SRCIN1: variants seen among roughly 807,000 people sequenced by gnomAD.
The protein encoded by SRCIN1 is SRC kinase signaling inhibitor 1, also known as P130Cas-associated protein.
SRCIN1 carries 50 observed loss-of-function variants against 116.2 expected under a neutral mutation model. That is an observed-to-expected ratio of 0.43 (90% CI 0.34 to 0.54). The LOEUF (loss-of-function observed/expected upper bound fraction) is 0.54. Ranked by LOEUF, SRCIN1 falls within the 20% of genes least tolerant of loss-of-function variation. The probability of loss-of-function intolerance (pLI) is 0.02; values close to 1 mark genes in which losing one functional copy is unlikely to be tolerated. For missense variants in SRCIN1, 1,446 were observed against 1,672.0 expected (o/e 0.86, Z 2.36); for synonymous variants, 736 against 750.0 (o/e 0.98, Z 0.30).
intron 1 of SRCIN1, among the ~76,000 whole-genome samples, chr17:38,587,311 C>T (rs1908168716): frequency 6.6e-6 from 1 of 152,118 alleles, no homozygotes; most frequent in Admixed American, 6.5e-5. Context: ...TGAGTCCTTG[C>T]TTCCTTCTGC....
chr17:38,543,643 C>T (rs1197468133), intron 18 of SRCIN1, among the ~76,000 whole-genome samples, 180 bp downstream of exon 18: 2 of 144,382 alleles, frequency 1.4e-5, no homozygotes, highest in Admixed American at 6.9e-5. Flanking sequence ...GCTCCGGGAT[C>T]GGGAGGAGGA....
rs1017859194 is a variant in SRCIN1, at chr17:38,542,600, G to A, written c.3417+1223C>T. ...GTCTGGGGGCCATGAGGAGGCAGGT[G>A]GGAGCTGTGGAGAGGCTGCGGGGGG... is the stretch of plus-strand genomic sequence containing the variant. On this transcript the variant is annotated intron_variant, in intron 18 of 18. Transcript: ENST00000617146. 11 of 156,256 alleles carry A rather than the reference G, an allele frequency of 7.0e-5. 1 individual carries two copies. The South Asian group carries it at 1.2e-3, about 16-fold the overall frequency. 9.7% of individuals were successfully genotyped at this position (156,256 alleles called of 1,614,324 possible).
intron 18 of SRCIN1, chr17:38,542,576 T>C (rs1904817454): frequency 6.5e-6 from 1 of 154,956 alleles, no homozygotes; most frequent in Admixed American, 6.3e-5. Context: ...TCGCAGGGTG[T>C]CTGGGGGCCA....
At chr17:38,592,433 C>T (rs72823881) in intron 1 of SRCIN1, among the ~76,000 whole-genome samples, 19,148 of 152,236 alleles carry the variant, frequency 0.13, 1,312 homozygotes, top group Middle Eastern at 0.15. Flanking sequence ...CCCTGTTACC[C>T]GGGACAGGTA....
intron 11 of SRCIN1, among the ~76,000 whole-genome samples, chr17:38,557,900 T>C (rs994247230): frequency 6.6e-6 from 1 of 152,084 alleles, no homozygotes; most frequent in Non-Finnish European, 1.5e-5. Flanking sequence ...AAAATGAAAG[T>C]AGGCAGAGGG....
intron 18 of SRCIN1, among the ~76,000 whole-genome samples, chr17:38,536,120 C>T (rs564311746): frequency 2.0e-5 from 3 of 152,314 alleles, no homozygotes; most frequent in Non-Finnish European, 2.9e-5. Flanking sequence ...GGGGATGCCT[C>T]GTCCCCGTCC....
At chr17:38,578,404 C>A in intron 2 of SRCIN1, 86 bp downstream of exon 2, 1 of 1,440,804 alleles carries the variant, frequency 6.9e-7, no homozygotes. Flanking sequence ...TGGAATGAGC[C>A]TGGGGACACG....
rs750439874 is a variant in SRCIN1 at position 38,551,935 on chromosome 17, C to A, written c.2678G>T (p.Gly893Val). 1 of 1,614,070 alleles carries A rather than the reference C, an allele frequency of 6.2e-7. No homozygotes were observed. The highest frequency in any genetic ancestry group is 8.5e-7 in the Non-Finnish European group (1 of 1,179,910). Reference protein sequence around the residue: ...LTPKGGNPTKGLDTPGKRSVD... With the variant: ...LTPKGGNPTKVLDTPGKRSVD... ...GCTTCTCTTGCCAGGAGTGTCCAGG[C>A]CTTTGGTGGGGTTGCCCCCCTTGGG... Residue 893 changes from glycine to valine, a missense_variant, in exon 14 of 19, where the codon GGC (glycine) becomes GTC (valine). This residue lies in a region of SRCIN1 where 531 missense variants were observed against 633.9 expected (regional missense o/e 0.84). Coordinates refer to ENST00000617146, the MANE Select transcript of SRCIN1 (RefSeq NM_025248.3).
At chr17:38,606,777 C>A (rs918242521), upstream of SRCIN1, among the ~76,000 whole-genome samples, 5 of 152,168 alleles carry the variant, frequency 3.3e-5, no homozygotes, top group African/African-American at 1.2e-4. This position sits in a 1 kb window ranked among gnomAD's most constrained non-coding sequence, Gnocchi z 5.2. Flanking sequence ...GCTCCGCAGA[C>A]TTCTCCAGCG....
rs1283743155 is a variant in SRCIN1 at position 38,531,511 on chromosome 17, T to G, written c.*1786A>C. On this transcript the variant is annotated 3_prime_UTR_variant, in exon 19 of 19. Coordinates refer to ENST00000617146, the MANE Select transcript of SRCIN1 (RefSeq NM_025248.3). Reference sequence around the variant, plus strand: ...AGACACTTCACTTAAATGTAAAGAGTTGCCTGCAATTAAAAGTAATTGCAT... The same window carrying G: ...AGACACTTCACTTAAATGTAAAGAGGTGCCTGCAATTAAAAGTAATTGCAT... The G allele has an allele frequency of 6.8e-6, 1 of 147,256 alleles. No homozygotes were observed. The highest frequency in any genetic ancestry group is 1.5e-5 in the Non-Finnish European group (1 of 67,016). 9.1% of individuals were successfully genotyped at this position (147,256 alleles called of 1,614,324 possible).
In SRCIN1 at chr17:38,578,287, C is replaced by G. The variant is rs755734795; in HGVS notation, c.324+203G>C. 5.9e-5 allele frequency among the ~76,000 whole-genome samples: 9 copies of G among 152,354 alleles called. No homozygotes were observed. The East Asian group carries it at 7.7e-4, about 13-fold the overall frequency. Reference sequence around the variant, plus strand: ...AGGTCTGGGGGCCAAGCCCCCACCCCCTTCCTCCCCAGGCTCCAGAAAAGG... The same window carrying G: ...AGGTCTGGGGGCCAAGCCCCCACCCGCTTCCTCCCCAGGCTCCAGAAAAGG... On this transcript the variant is annotated intron_variant, in intron 2 of 18. Coordinates refer to ENST00000617146, the MANE Select transcript of SRCIN1 (RefSeq NM_025248.3).
Position 38,534,070 on chromosome 17 carries a change from T to C in SRCIN1, c.3418-639A>G, listed in dbSNP as rs182863528. 3.3e-3 allele frequency among the ~76,000 whole-genome samples: 505 copies of C among 152,290 alleles called. 5 individuals are homozygous for C. Among genetic ancestry groups the C allele is most frequent in the African/African-American group, 0.012 (481 of 41,560 alleles). ...GCCCCACTGCATGCCCTGCAAGCAC[T>C]TGTCGCCCCAGTTGGTAACAGGAGG... On this transcript the variant is annotated intron_variant, in intron 18 of 18. Coordinates refer to ENST00000617146, the MANE Select transcript of SRCIN1 (RefSeq NM_025248.3).
intron 1 of SRCIN1, among the ~76,000 whole-genome samples, chr17:38,598,003 TC>T (rs1908811670): frequency 6.6e-6 from 1 of 152,152 alleles, no homozygotes; most frequent in Admixed American, 6.5e-5. Flanking sequence ...CCCTCCCACT[TC>T]CAGGAGAGAG....
intron 18 of SRCIN1, among the ~76,000 whole-genome samples, chr17:38,538,431 A>AAT (rs977752018): frequency 7.2e-5 from 10 of 138,598 alleles, no homozygotes; most frequent in Admixed American, 1.4e-4. Flanking sequence ...AAAAAAAAAA[A>AAT]AATAATAATA....
chr17:38,561,900 C>T lies in SRCIN1; in HGVS notation c.1263G>A (p.Pro421=). The change falls in exon 7 of 19, where the codon CCG becomes CCA. Residue 421 remains proline, a synonymous_variant. Transcript: ENST00000617146. ...CGCGCTTGTAGAGGCCGCCGGCGCCCGGGTAGGCGAACGGGTCGCCGGCGG... is the reference window on the plus strand; with the variant it reads ...CGCGCTTGTAGAGGCCGCCGGCGCCTGGGTAGGCGAACGGGTCGCCGGCGG... ...AAAAGDPFAY[P]GAGGLYKRGS... 4 of 1,363,336 alleles carry T rather than the reference C, an allele frequency of 2.9e-6. No homozygotes were observed. The highest frequency in any genetic ancestry group is 3.5e-5 in the East Asian group (1 of 28,378). The allele number at this position is 1,363,336 out of a possible 1,614,324, so 84.5% of individuals were successfully genotyped here.
At chr17:38,581,009 C>A (rs1907760682) in intron 1 of SRCIN1, among the ~76,000 whole-genome samples, 2 of 151,708 alleles carry the variant, frequency 1.3e-5, no homozygotes, top group Admixed American at 6.6e-5. Flanking sequence ...TGAATTTCTT[C>A]CTTTTTTTAG....
intron 1 of SRCIN1, among the ~76,000 whole-genome samples, chr17:38,594,656 A>C (rs1454363430): frequency 2.1e-5 from 3 of 143,346 alleles, no homozygotes; most frequent in Non-Finnish European, 4.7e-5. Context: ...CTTCTCAACA[A>C]TGCTGCCTGG....
intron 1 of SRCIN1, among the ~76,000 whole-genome samples, chr17:38,599,281 A>C (rs1323199598): frequency 2.0e-5 from 3 of 151,920 alleles, no homozygotes; most frequent in Non-Finnish European, 4.4e-5. Context: ...AGGCAAGCTG[A>C]CTCCAGCCCA....
At position 38,558,939 on chromosome 17, in the gene SRCIN1, A is replaced by C; in HGVS notation, c.2026-537T>G. 5.7e-6 allele frequency: 1 copy of C among 176,528 alleles called. No individual in the cohort carries two copies. The highest frequency in any genetic ancestry group is 1.8e-4 in the East Asian group (1 of 5,406). The allele number at this position is 176,528 out of a possible 1,614,324, so 10.9% of individuals were successfully genotyped here. ...ATAGAGCTTCTATGGCTGGGACAGG[A>C]AGACTAAGTTGATGATCGATCCAAC... On this transcript the variant is annotated intron_variant, in intron 10 of 18. Coordinates refer to ENST00000617146, the MANE Select transcript of SRCIN1 (RefSeq NM_025248.3). This position sits in a 1 kb window ranked among gnomAD's most constrained non-coding sequence, Gnocchi z 4.6.
Sources: allele counts gnomAD v4.1 joint callset (sites outside exome capture counted in the v4.1 genomes callset), GRCh38; gene constraint gnomAD v4.1.1; regional missense constraint gnomAD v4.1.1; non-coding constraint Gnocchi (gnomAD v3.1); transcripts MANE v1.5; gene names NCBI Gene and HGNC (gene_info 2026-07-23, HGNC 2026-07-21).